FHIP2B: variants seen among roughly 807,000 people sequenced by gnomAD.
FHIP2B encodes FHF complex subunit HOOK-interacting protein 2B.
FHIP2B carries 72 observed loss-of-function variants against 84.0 expected under a neutral mutation model. That is an observed-to-expected ratio of 0.86 (90% CI 0.71 to 1.04). The LOEUF is 1.04. FHIP2B is among the 50% of genes least tolerant of loss of function. The pLI is 0.00. For synonymous variants in FHIP2B, 497 were observed against 418.7 expected (o/e 1.19, Z -2.28); for missense variants, 972 against 968.9 (o/e 1.00, Z -0.04).
intron 3 of FHIP2B, 24 bp from the exon 4 acceptor site, chr8:22,097,492 C>G: frequency 6.3e-7 from 1 of 1,575,572 alleles, no homozygotes; most frequent in East Asian, 2.3e-5. Flanking sequence ...ACGGCTCTGA[C>G]AGGCGCTCTG....
At chr8:22,100,791 G>A (rs940822002) in intron 11 of FHIP2B, 52 bp downstream of exon 11, 37 of 1,611,910 alleles carry the variant, frequency 2.3e-5, no homozygotes, top group Middle Eastern at 3.3e-4. Flanking sequence ...GCACTCGCAC[G>A]CTCACTCTGT....
At chr8:22,101,591 T>C in intron 13 of FHIP2B, 61 bp downstream of exon 13, 1 of 1,569,454 alleles carries the variant, frequency 6.4e-7, no homozygotes, top group Non-Finnish European at 8.7e-7. Context: ...GGTCATAAGC[T>C]CTGGGTTCCG....
At chr8:22,089,855 G>A (rs746866190) in intron 1 of FHIP2B, 1 of 1,274,922 alleles carries the variant, frequency 7.8e-7, no homozygotes, top group South Asian at 1.2e-5. Context: ...CCCACGAAGG[G>A]TAAAGACCCG....
intron 2 of FHIP2B, chr8:22,094,744 A>G: frequency 7.5e-7 from 1 of 1,339,832 alleles, no homozygotes; most frequent in Non-Finnish European, 9.6e-7. Context: ...TTTTGGAAAG[A>G]GGCTGTGTGA....
intron 8 of FHIP2B, 107 bp from the exon 9 acceptor site, chr8:22,099,177 C>T (rs927412000): frequency 6.5e-5 from 98 of 1,511,974 alleles, no homozygotes; most frequent in East Asian, 1.5e-4. Flanking sequence ...GGGCCCCAGG[C>T]GGGCCGGGAC....
Position 22,096,517 on chromosome 8 carries a change from G to A in FHIP2B, c.297+8G>A. 2 of 1,516,486 alleles carry A rather than the reference G, an allele frequency of 1.3e-6. No individual in the cohort carries two copies. The highest frequency in any genetic ancestry group is 1.8e-6 in the Non-Finnish European group (2 of 1,126,394). The allele number at this position is 1,516,486 out of a possible 1,614,324, so 93.9% of individuals were successfully genotyped here. ...ACGCTGGGCAAGGCCGAGGTGGGAG[G>A]CCCTCTGCGCGCTGGGCCAGGCCGA... On this transcript the variant is annotated splice_region_variant and intron_variant, in intron 3 of 16. Transcript: ENST00000289921.
At chr8:22,099,624 C>T in intron 9 of FHIP2B, 80 bp from the exon 10 acceptor site, 3 of 1,444,354 alleles carry the variant, frequency 2.1e-6, no homozygotes, top group East Asian at 2.3e-5. Flanking sequence ...ACATGCGAGG[C>T]AAGCAGGAAG....
chr8:22,098,069 G>C lies in FHIP2B; in HGVS notation c.527G>C (p.Gly176Ala), dbSNP rs746881991. 5 of 1,590,966 alleles carry C rather than the reference G, an allele frequency of 3.1e-6. No homozygotes were observed. The highest frequency in any genetic ancestry group is 4.3e-6 in the Non-Finnish European group (5 of 1,168,760). Residue 176 changes from glycine (G) to alanine (A), a missense_variant and splice_region_variant, in exon 6 of 17, where the codon GGT (glycine) becomes GCT (alanine). By Grantham distance (60) the Gly-to-Ala change is moderately conservative. Coordinates refer to ENST00000289921, the MANE Select transcript of FHIP2B (RefSeq NM_022749.7). Reference sequence around the variant, plus strand: ...GGCCTCATCTCACCCTCTTTTCAGGGTAAAAAGATTGTAGGTAGGAAGAAA... The same window carrying C: ...GGCCTCATCTCACCCTCTTTTCAGGCTAAAAAGATTGTAGGTAGGAAGAAA... ...DPELLAYILEGKKIVGRKKAC... is the reference protein window; with the variant it reads ...DPELLAYILEAKKIVGRKKAC...
intron 7 of FHIP2B, 149 bp downstream of exon 7, chr8:22,098,768 C>G: frequency 9.9e-7 from 1 of 1,013,222 alleles, no homozygotes. Context: ...CCCCAGGGGA[C>G]TTCTTGCCCT....
intron 1 of FHIP2B, among the ~76,000 whole-genome samples, chr8:22,092,864 T>C (rs530431841): frequency 6.6e-6 from 1 of 152,330 alleles, no homozygotes; most frequent in East Asian, 1.9e-4. Context: ...AGGTCACTAC[T>C]TTCCACCTCT....
chr8:22,098,496 C>A lies in FHIP2B; in HGVS notation c.842C>A (p.Thr281Asn), dbSNP rs919587882. The change falls in exon 7 of 17, where the codon ACC becomes AAC. Residue 281 changes from threonine to asparagine, a missense_variant. Transcript: ENST00000289921. ...AGCATGGCCTCCCCAGCAGCTGCCA[C>A]CTACCTGGTACAGAGCAGCGCCTGC... ...LVSMASPAAATYLVQSSACCP... is the reference protein window; with the variant it reads ...LVSMASPAAANYLVQSSACCP... 1.2e-6 allele frequency: 2 copies of A among 1,613,082 alleles called. No homozygotes were observed. The highest frequency in any genetic ancestry group is 2.7e-5 in the African/African-American group (2 of 74,874).
chr8:22,101,950 T>C, intron 14 of FHIP2B, 99 bp downstream of exon 14: 2 of 1,520,726 alleles, frequency 1.3e-6, no homozygotes, highest in South Asian at 1.3e-5. Flanking sequence ...TTCGGTTCTT[T>C]GGTGCCACCC....
chr8:22,093,339 G>A (rs979853519), intron 1 of FHIP2B, among the ~76,000 whole-genome samples: 10 of 152,120 alleles, frequency 6.6e-5, no homozygotes, highest in African/African-American at 2.4e-4. Flanking sequence ...TGTTGTTGTT[G>A]TTTTTGAGAA....
intron 1 of FHIP2B, chr8:22,089,757 C>T: frequency 7.9e-7 from 1 of 1,273,076 alleles, no homozygotes; most frequent in Middle Eastern, 2.2e-4. Context: ...GTCTGATCTC[C>T]CAGACAACTC....
chr8:22,103,993 G>A lies in FHIP2B; in HGVS notation c.*1062G>A, dbSNP rs1055540513. On this transcript the variant is annotated 3_prime_UTR_variant, in exon 17 of 17. Coordinates refer to ENST00000289921, the MANE Select transcript of FHIP2B (RefSeq NM_022749.7). ...TACCTCACAGCGGGACTACACAGTTGCTGGCTTTGCTCCTGGGCAAGGAGG... is the reference window on the plus strand; with the variant it reads ...TACCTCACAGCGGGACTACACAGTTACTGGCTTTGCTCCTGGGCAAGGAGG... 1 of 152,632 alleles carries A rather than the reference G, an allele frequency of 6.6e-6. No homozygotes were observed. The highest frequency in any genetic ancestry group is 1.5e-5 in the Non-Finnish European group (1 of 68,058). 9.5% of individuals were successfully genotyped at this position (152,632 alleles called of 1,614,324 possible). A position where few individuals can be genotyped will look rare whatever the true frequency, so the allele number is the denominator to read the frequency against.
At chr8:22,101,910 A>C in intron 14 of FHIP2B, 59 bp downstream of exon 14, 1 of 1,583,462 alleles carries the variant, frequency 6.3e-7, no homozygotes, top group Non-Finnish European at 8.6e-7. Context: ...GTCCTTCAAG[A>C]GCAGAGGTTG....
chr8:22,093,706 G>GTTTTTTTTTT (rs1328224891), intron 1 of FHIP2B, among the ~76,000 whole-genome samples: 3 of 36,212 alleles, frequency 8.3e-5, no homozygotes, highest in Non-Finnish European at 1.5e-4. Context: ...GAAAAGCTTT[G>GTTTTTTTTTT]TCTTTTTTTT....
Position 22,097,675 on chromosome 8 carries a change from G to A in FHIP2B, c.403-42G>A, listed in dbSNP as rs562984468. On this transcript the variant is annotated intron_variant, in intron 4 of 16. Transcript: ENST00000289921. ...GGGTGTGAGGCCCCCTCTCTCCCCT[G>A]CCACCCCTCTCCCCTCTGTTTCTGT... is the stretch of plus-strand genomic sequence containing the variant. 5.6e-6 allele frequency: 9 copies of A among 1,608,126 alleles called. No homozygotes were observed. In the East Asian group the frequency reaches 1.8e-4, roughly 32 times the overall value.
intron 2 of FHIP2B, chr8:22,095,377 T>C (rs1441983434): frequency 6.6e-6 from 1 of 152,252 alleles, no homozygotes; most frequent in Non-Finnish European, 1.5e-5. Context: ...CAGCAGTAAT[T>C]CTGGCCTCTA....
Sources: allele counts gnomAD v4.1 joint callset (sites outside exome capture counted in the v4.1 genomes callset), GRCh38; gene constraint gnomAD v4.1.1; transcripts MANE v1.5; gene names NCBI Gene and HGNC (gene_info 2026-07-23, HGNC 2026-07-21).